Variants in DYNLT5 observed in about 807,000 individuals in gnomAD.
DYNLT5 encodes dynein light chain Tctex-type 5.
A neutral mutation model predicts 19.3 loss-of-function variants in DYNLT5; 25 were observed. The ratio of observed to expected loss-of-function variants is 1.30; its 90% CI spans 0.95 to 1.81. DYNLT5 has a LOEUF of 1.81. Ranked by LOEUF, DYNLT5 falls within the 40% of genes most tolerant of loss-of-function variation. The pLI, the probability that DYNLT5 is intolerant of heterozygous loss-of-function variation, is 0.00. For missense variants in DYNLT5, 232 were observed against 217.9 expected (o/e 1.06, Z -0.41); for synonymous variants, 82 against 68.9 (o/e 1.19, Z -0.94).
intron 2 of DYNLT5, 114 bp from the exon 3 acceptor site, chr1:66,770,273 C>A (rs140314041): frequency 1.4e-5 from 10 of 715,946 alleles, no homozygotes; most frequent in Middle Eastern, 2.6e-4. Flanking sequence ...ATAAGACTTA[C>A]TTGAAATTTT....
chr1:66,777,250 G>T lies in DYNLT5; in HGVS notation c.337-1G>T, dbSNP rs924927459. ...GACCCTCCCTTTTTTTAAATTTCTA[G>T]GTTATTAAAGCCCAGGTCAAGGACT... is the stretch of plus-strand genomic sequence containing the variant. On this transcript the variant is annotated splice_acceptor_variant, in intron 4 of 4. Transcript: ENST00000282670. LOFTEE classifies it high-confidence loss of function. 4 of 1,603,446 alleles carry T rather than the reference G, an allele frequency of 2.5e-6. No individual in the cohort carries two copies. Among genetic ancestry groups the T allele is most frequent in the Admixed American group, 1.7e-5 (1 of 59,058 alleles).
At chr1:66,775,412 T>C (rs1030270342) in intron 3 of DYNLT5, 1 of 152,240 alleles carries the variant, frequency 6.6e-6, no homozygotes, top group African/African-American at 2.4e-5. Context: ...TTATTATATA[T>C]GTATACAATA....
intron 2 of DYNLT5, among the ~76,000 whole-genome samples, chr1:66,763,766 T>C (rs1441993911): frequency 6.6e-6 from 1 of 152,250 alleles, no homozygotes; most frequent in Non-Finnish European, 1.5e-5. Context: ...GGGCTTTGGC[T>C]TAAGAGAATT....
intron 2 of DYNLT5, among the ~76,000 whole-genome samples, chr1:66,765,177 C>T (rs1246095250): frequency 1.3e-5 from 2 of 152,154 alleles, no homozygotes; most frequent in African/African-American, 2.4e-5. Context: ...TCTGAAATAT[C>T]ACCACTGGGA....
Position 66,754,636 on chromosome 1 carries a change from A to G in DYNLT5, c.-3-20A>G. The stretch of plus-strand genomic sequence containing the variant: ...TTCCGGATCTTTCTTTTGCTATTTT[A>G]CAAAAGTCTTCTTCCATAGGTTATG... On this transcript the variant is annotated intron_variant, in intron 1 of 4. Coordinates refer to ENST00000282670, the MANE Select transcript of DYNLT5 (RefSeq NM_152665.3). 2 of 1,583,574 alleles carry G rather than the reference A, an allele frequency of 1.3e-6. No individual in the cohort carries two copies. The highest frequency in any genetic ancestry group is 1.2e-5 in the South Asian group (1 of 85,296).
intron 2 of DYNLT5, among the ~76,000 whole-genome samples, chr1:66,761,614 C>A (rs1239108050): frequency 2.6e-5 from 4 of 152,204 alleles, no homozygotes; most frequent in Admixed American, 6.5e-5. Flanking sequence ...GAGACACCCC[C>A]TTCCCTACAA....
intron 2 of DYNLT5, among the ~76,000 whole-genome samples, chr1:66,757,212 G>A (rs1458257324): frequency 2.6e-5 from 4 of 152,082 alleles, no homozygotes; most frequent in Admixed American, 6.5e-5. Context: ...TCTTATATGT[G>A]GTATAAGATC....
intron 3 of DYNLT5, among the ~76,000 whole-genome samples, chr1:66,771,842 A>G (rs919426536): frequency 7.2e-5 from 11 of 152,300 alleles, no homozygotes; most frequent in African/African-American, 2.6e-4. Flanking sequence ...ACATAAGGAT[A>G]TTTTTTGCAA....
chr1:66,758,983 A>G (rs1032543830), intron 2 of DYNLT5, among the ~76,000 whole-genome samples: 3 of 152,176 alleles, frequency 2.0e-5, no homozygotes, highest in African/African-American at 7.2e-5. Context: ...TAAAGCCCCC[A>G]ACAAGACCTA....
rs540046029 is a variant in DYNLT5, at chr1:66,776,279, G to T, written c.212G>T (p.Gly71Val). Reference protein sequence around the residue: ...TVQMENTYQLGPPKHFPVVTV... With the variant: ...TVQMENTYQLVPPKHFPVVTV... ...AAATAAATTTTATGTGTATTTTCAG[G>T]TCCTCCCAAACATTTTCCTGTGGTC... The change falls in exon 4 of 5, where the codon GGT becomes GTT. Residue 71 changes from glycine (G) to valine (V), a missense_variant and splice_region_variant. Transcript: ENST00000282670. The T allele has an allele frequency of 1.1e-5, 17 of 1,610,890 alleles. No homozygotes were observed. The Admixed American group carries it at 2.3e-4, about 22-fold the overall frequency.
At chr1:66,775,744 T>C (rs1258795947) in intron 3 of DYNLT5, among the ~76,000 whole-genome samples, 1 of 152,118 alleles carries the variant, frequency 6.6e-6, no homozygotes, top group African/African-American at 2.4e-5. Context: ...ATGAACAAGA[T>C]GGGGAAAGAT....
intron 3 of DYNLT5, among the ~76,000 whole-genome samples, chr1:66,773,333 T>C (rs1645214788): frequency 6.6e-6 from 1 of 152,062 alleles, no homozygotes; most frequent in African/African-American, 2.4e-5. Context: ...AGAGAGAGAT[T>C]ATTTGAGTTC....
intron 2 of DYNLT5, among the ~76,000 whole-genome samples, chr1:66,765,657 A>ATTTTTTTT (rs2094653644): frequency 8.1e-6 from 1 of 123,012 alleles, no homozygotes; most frequent in Admixed American, 8.2e-5. Flanking sequence ...TTTTTTTTTG[A>ATTTTTTTT]TGGAGTCTTG....
intron 2 of DYNLT5, among the ~76,000 whole-genome samples, chr1:66,757,525 T>C (rs2150859333): frequency 6.6e-6 from 1 of 152,296 alleles, no homozygotes; most frequent in South Asian, 2.1e-4. Context: ...GACCTGGACA[T>C]ACATATATCA....
chr1:66,776,278 G>T lies in DYNLT5; in HGVS notation c.212-1G>T. 6.2e-7 allele frequency: 1 copy of T among 1,611,546 alleles called. No homozygotes were observed. The highest frequency in any genetic ancestry group is 8.5e-7 in the Non-Finnish European group (1 of 1,178,764). ...GAAATAAATTTTATGTGTATTTTCA[G>T]GTCCTCCCAAACATTTTCCTGTGGT... is the stretch of plus-strand genomic sequence containing the variant. On this transcript the variant is annotated splice_acceptor_variant, in intron 3 of 4. Coordinates refer to ENST00000282670, the MANE Select transcript of DYNLT5 (RefSeq NM_152665.3). LOFTEE classifies it high-confidence loss of function.
chr1:66,767,548 A>G (rs1191805506), intron 2 of DYNLT5, among the ~76,000 whole-genome samples: 1 of 152,134 alleles, frequency 6.6e-6, no homozygotes, highest in African/African-American at 2.4e-5. Context: ...GTGAGCCACC[A>G]CTGCCAGCCC....
chr1:66,765,714 C>T (rs2094653796), intron 2 of DYNLT5, among the ~76,000 whole-genome samples: 1 of 150,802 alleles, frequency 6.6e-6, no homozygotes, highest in Admixed American at 6.6e-5. Context: ...CGGCTAACTG[C>T]AACCTCCGCC....
intron 2 of DYNLT5, among the ~76,000 whole-genome samples, chr1:66,766,764 T>C (rs545830479): frequency 3.3e-5 from 5 of 152,334 alleles, no homozygotes; most frequent in South Asian, 2.1e-4. Flanking sequence ...ATTTTTATAA[T>C]ACAGGTTTTA....
Position 66,752,492 on chromosome 1 carries a change from C to T in DYNLT5, c.-96C>T, listed in dbSNP as rs572033966. ...GGGAGAGTGCGCGGGCGGCCGCCGG[C>T]TGAATGAAGCCTGGGACGCGGGAGC... On this transcript the variant is annotated 5_prime_UTR_variant, in exon 1 of 5. Transcript: ENST00000282670. 6.7e-5 allele frequency: 66 copies of T among 985,546 alleles called. 1 individual carries two copies. In the South Asian group the frequency reaches 2.9e-3, roughly 43 times the overall value. 61.1% of individuals were successfully genotyped at this position (985,546 alleles called of 1,614,324 possible).
Sources: allele counts gnomAD v4.1 joint callset (sites outside exome capture counted in the v4.1 genomes callset), GRCh38; gene constraint gnomAD v4.1.1; transcripts MANE v1.5; gene names NCBI Gene and HGNC (gene_info 2026-07-23, HGNC 2026-07-21).